Variants in BMPR1B observed in about 807,000 individuals in gnomAD.
BMPR1B encodes the protein bone morphogenetic protein receptor type 1B.
Under a neutral mutation model 59.1 loss-of-function variants are expected in BMPR1B, and 12 were observed. That is an observed-to-expected ratio of 0.20 (90% CI 0.13 to 0.33). The LOEUF (loss-of-function observed/expected upper bound fraction) is 0.33, where lower values mean the gene tolerates loss of function less well. Ranked by LOEUF, BMPR1B falls within the 10% of genes least tolerant of loss-of-function variation. The pLI, the probability that BMPR1B is intolerant of heterozygous loss-of-function variation, is 1.00. For synonymous variants in BMPR1B, 237 were observed against 207.3 expected (o/e 1.14, Z -1.23); for missense variants, 550 against 610.9 (o/e 0.90, Z 1.05).
intron 3 of BMPR1B, among the ~76,000 whole-genome samples, chr4:95,083,037 CAAAAAA>C (rs1171888403): frequency 4.9e-5 from 3 of 60,644 alleles, no homozygotes; most frequent in South Asian, 1.0e-3. Flanking sequence ...TACTCTGTCT[CAAAAAA>C]AAAAAAAAAA....
At chr4:94,975,829 T>C (rs2149082126) in intron 2 of BMPR1B, among the ~76,000 whole-genome samples, 1 of 152,396 alleles carries the variant, frequency 6.6e-6, no homozygotes, top group East Asian at 1.9e-4. Context: ...TATCTATTGC[T>C]GTTTTCAGTT....
At chr4:94,816,926 A>G (rs1009090082) in intron 1 of BMPR1B, among the ~76,000 whole-genome samples, 6 of 152,196 alleles carry the variant, frequency 3.9e-5, no homozygotes, top group Non-Finnish European at 7.3e-5. Flanking sequence ...TTCAAACTCA[A>G]TTAATGTGAT....
chr4:95,113,496 C>T (rs1000458894), intron 4 of BMPR1B, among the ~76,000 whole-genome samples: 7 of 152,156 alleles, frequency 4.6e-5, no homozygotes, highest in Non-Finnish European at 7.4e-5. Context: ...TGGCTAGTAT[C>T]GTTCTCAGAG....
intron 4 of BMPR1B, among the ~76,000 whole-genome samples, chr4:95,106,692 A>G (rs927753599): frequency 2.1e-4 from 32 of 152,018 alleles, no homozygotes; most frequent in African/African-American, 7.0e-4. Context: ...ATGCAGTTGG[A>G]TATGGATCTG....
intron 2 of BMPR1B, among the ~76,000 whole-genome samples, chr4:94,903,722 G>T (rs1460040639): frequency 6.6e-6 from 1 of 151,846 alleles, no homozygotes; most frequent in East Asian, 1.9e-4. Flanking sequence ...AGTCATTGGG[G>T]GTAGGCCTTA....
chr4:95,060,647 C>T (rs1178496448), intron 3 of BMPR1B, among the ~76,000 whole-genome samples: 3 of 152,148 alleles, frequency 2.0e-5, no homozygotes, highest in Non-Finnish European at 4.4e-5. Context: ...TATGAAGCGC[C>T]TGGAAATCTG....
intron 2 of BMPR1B, among the ~76,000 whole-genome samples, chr4:94,923,743 G>T (rs935333114): frequency 1.3e-5 from 2 of 152,050 alleles, no homozygotes; most frequent in African/African-American, 4.8e-5. Flanking sequence ...GAAGAGAGGG[G>T]TGGTTATAAA....
intron 1 of BMPR1B, among the ~76,000 whole-genome samples, chr4:94,764,907 G>C (rs1721912703): frequency 6.6e-6 from 1 of 152,088 alleles, no homozygotes; most frequent in Non-Finnish European, 1.5e-5. Flanking sequence ...GACTGGGAAG[G>C]GGGCAGGAAA....
At chr4:95,045,630 C>T (rs1020652126) in intron 3 of BMPR1B, among the ~76,000 whole-genome samples, 10 of 152,150 alleles carry the variant, frequency 6.6e-5, no homozygotes, top group African/African-American at 9.7e-5. Flanking sequence ...GTTCAAATGC[C>T]TCCCCCACGC....
chr4:94,846,536 G>A (rs1578713909), intron 1 of BMPR1B, among the ~76,000 whole-genome samples: 1 of 152,100 alleles, frequency 6.6e-6, no homozygotes, highest in African/African-American at 2.4e-5. Context: ...CTCCCAGCCT[G>A]TATCTTTCTC....
At chr4:94,967,497 TC>T (rs1259594566) in intron 2 of BMPR1B, among the ~76,000 whole-genome samples, 1 of 152,078 alleles carries the variant, frequency 6.6e-6, no homozygotes, top group Non-Finnish European at 1.5e-5. Context: ...TTCTTTTTTT[TC>T]TTGAGATGGA....
chr4:94,956,885 ATTAC>A (rs967136964), intron 2 of BMPR1B, among the ~76,000 whole-genome samples: 1 of 152,104 alleles, frequency 6.6e-6, no homozygotes, highest in African/African-American at 2.4e-5. Context: ...TTTAGGTCGT[ATTAC>A]TTGTGACATC....
chr4:95,139,458 T>G (rs547046192), intron 10 of BMPR1B, among the ~76,000 whole-genome samples: 59 of 152,302 alleles, frequency 3.9e-4, no homozygotes, highest in African/African-American at 1.2e-3. Context: ...ACAGGGATGT[T>G]TAAGTCTGCA....
intron 3 of BMPR1B, among the ~76,000 whole-genome samples, chr4:95,049,783 T>G (rs986863175): frequency 3.3e-5 from 5 of 151,908 alleles, no homozygotes; most frequent in African/African-American, 1.2e-4. Context: ...TGGGGCCACT[T>G]CATCTTAAAA....
chr4:94,876,159 G>A (rs1726722859), intron 2 of BMPR1B, among the ~76,000 whole-genome samples: 1 of 152,098 alleles, frequency 6.6e-6, no homozygotes, highest in Non-Finnish European at 1.5e-5. Context: ...TGAAATGTTG[G>A]CCTACACACT....
chr4:94,796,987 C>T (rs1397885864), intron 1 of BMPR1B, among the ~76,000 whole-genome samples: 1 of 152,086 alleles, frequency 6.6e-6, no homozygotes, highest in Non-Finnish European at 1.5e-5. Context: ...GTGTATTAGT[C>T]TGTTTTCATG....
At position 94,780,725 on chromosome 4, in the gene BMPR1B, G is replaced by C. The variant is rs1257854247; in HGVS notation, c.-183+22657G>C. 7.8e-5 allele frequency among the ~76,000 whole-genome samples: 9 copies of C among 115,174 alleles called. 1 individual carries two copies. The highest frequency in any genetic ancestry group is 3.9e-4 in the Admixed American group (3 of 7,742). The allele number at this position is 115,174 out of a possible 152,430, so 75.6% of individuals were successfully genotyped here. On this transcript the variant is annotated intron_variant, in intron 1 of 12. Transcript: ENST00000515059. ...TTTTTTTGAGACAGAGTCTCGCTCT[G>C]TCGCCCAGGCTGGAGTGCAGTGGTG...
intron 1 of BMPR1B, among the ~76,000 whole-genome samples, chr4:94,770,309 T>C (rs1180241941): frequency 6.6e-6 from 1 of 151,910 alleles, no homozygotes; most frequent in Non-Finnish European, 1.5e-5. Flanking sequence ...AGATGAACTC[T>C]GGTGTTAGAT....
At chr4:95,028,481 G>C (rs1181015728) in intron 3 of BMPR1B, among the ~76,000 whole-genome samples, 2 of 152,126 alleles carry the variant, frequency 1.3e-5, no homozygotes, top group African/African-American at 4.8e-5. Flanking sequence ...CCTTGAACTT[G>C]AACTGGTCAT....
Sources: gnomAD v4.1 joint callset for allele counts (sites outside exome capture counted in the v4.1 genomes callset) on GRCh38, gnomAD v4.1.1 for gene constraint, MANE v1.5 for transcripts, NCBI Gene and HGNC (gene_info 2026-07-23, HGNC 2026-07-21) for gene names.